PDE11A: variants seen among roughly 807,000 people sequenced by gnomAD.
The protein encoded by PDE11A is dual 3',5'-cyclic-AMP and -GMP phosphodiesterase 11A.
A neutral mutation model predicts 100.5 loss-of-function variants in PDE11A; 100 were observed. The ratio of observed to expected loss-of-function variants is 1.00; its 90% confidence interval spans 0.85 to 1.18. PDE11A has a LOEUF of 1.18. Ranked by LOEUF, PDE11A falls within the 50% of genes most tolerant of loss-of-function variation. The pLI, the probability that PDE11A is intolerant of heterozygous loss-of-function variation, is 0.00. For synonymous variants in PDE11A, 381 were observed against 420.8 expected (o/e 0.91, Z 1.16); for missense variants, 1,141 against 1,152.6 (o/e 0.99, Z 0.15).
In PDE11A at chr2:177,652,380, T is replaced by G. The variant is rs147490021; in HGVS notation, c.2646+11486A>C. Reference sequence around the variant, plus strand: ...TGGGGAGAGGAGGGGAAGGTAGGCCTGCAGACGGCTAGGTGAGCACAGGCA... The same window carrying G: ...TGGGGAGAGGAGGGGAAGGTAGGCCGGCAGACGGCTAGGTGAGCACAGGCA... On this transcript the variant is annotated intron_variant, in intron 19 of 19. Transcript: ENST00000286063. 5.1e-4 allele frequency among the ~76,000 whole-genome samples: 77 copies of G among 152,244 alleles called. No individual in the cohort carries two copies. The East Asian group carries it at 0.012, about 24-fold the overall frequency.
At chr2:177,833,713 T>C (rs1455146079) in intron 6 of PDE11A, among the ~76,000 whole-genome samples, 1 of 152,358 alleles carries the variant, frequency 6.6e-6, no homozygotes, top group Non-Finnish European at 1.5e-5. Context: ...CAGTTTCTGA[T>C]GAATTGGGGT....
intron 2 of PDE11A, among the ~76,000 whole-genome samples, chr2:177,986,641 C>T (rs2085943212): frequency 6.6e-6 from 1 of 151,876 alleles, no homozygotes; most frequent in Admixed American, 6.6e-5. Flanking sequence ...ACCAGCCTGC[C>T]CAACATGCTG....
chr2:177,907,921 CTGTTTTTT>C (rs1250669410), intron 2 of PDE11A, among the ~76,000 whole-genome samples: 3 of 152,182 alleles, frequency 2.0e-5, no homozygotes, highest in Admixed American at 2.0e-4. Context: ...GAGTAATAAA[CTGTTTTTT>C]TGTCACTGAT....
Position 178,102,271 on chromosome 2 carries a change from C to A in PDE11A, c.162+2031G>T, listed in dbSNP as rs541057079. On this transcript the variant is annotated intron_variant, in intron 2 of 20. Transcript: ENST00000358450. ...CCTCCCAAGTAGCTGGGACTGCAAGCGTGCACCACCATGCCTGGCTGATTT... is the reference window on the plus strand; with the variant it reads ...CCTCCCAAGTAGCTGGGACTGCAAGAGTGCACCACCATGCCTGGCTGATTT... Among the ~76,000 whole-genome samples, 3 of 151,888 alleles carry A rather than the reference C, an allele frequency of 2.0e-5. No homozygotes were observed. The East Asian group carries it at 5.8e-4, about 29-fold the overall frequency.
chr2:177,745,562 C>T (rs1389544392), intron 10 of PDE11A, among the ~76,000 whole-genome samples: 3 of 152,148 alleles, frequency 2.0e-5, no homozygotes, highest in Non-Finnish European at 4.4e-5. Context: ...AGGGCTAGTC[C>T]CACTCCACTG....
At chr2:177,821,967 G>C (rs970589443) in intron 6 of PDE11A, among the ~76,000 whole-genome samples, 1 of 144,496 alleles carries the variant, frequency 6.9e-6, no homozygotes, top group Non-Finnish European at 1.5e-5. Context: ...GCTCGTAAAA[G>C]TATCTTCTAT....
At chr2:177,883,967 C>T (rs1483361327) in intron 4 of PDE11A, among the ~76,000 whole-genome samples, 1 of 152,192 alleles carries the variant, frequency 6.6e-6, no homozygotes, top group Non-Finnish European at 1.5e-5. Context: ...TCTTTCACTC[C>T]TCTGGCCCTT....
chr2:177,928,009 C>T (rs1393466967), intron 2 of PDE11A, among the ~76,000 whole-genome samples: 2 of 143,820 alleles, frequency 1.4e-5, no homozygotes, highest in Non-Finnish European at 3.0e-5. Flanking sequence ...GAGGCTGAGG[C>T]AAGAGAATCG....
At chr2:177,908,808 A>G (rs2105740041) in intron 2 of PDE11A, among the ~76,000 whole-genome samples, 1 of 152,324 alleles carries the variant, frequency 6.6e-6, no homozygotes, top group East Asian at 1.9e-4. Context: ...CTGTCAGTCA[A>G]TCACAAATCT....
chr2:178,018,978 G>A (rs1240890696), intron 1 of PDE11A, among the ~76,000 whole-genome samples: 1 of 152,146 alleles, frequency 6.6e-6, no homozygotes, highest in East Asian at 1.9e-4. Flanking sequence ...TTATATATGA[G>A]CTTTTGCATC....
chr2:177,884,926 A>G (rs762214154), intron 4 of PDE11A, among the ~76,000 whole-genome samples: 1 of 152,194 alleles, frequency 6.6e-6, no homozygotes, highest in Non-Finnish European at 1.5e-5. Context: ...ACTACTCTAC[A>G]GTTTTTAGCT....
intron 19 of PDE11A, 71 bp downstream of exon 19, chr2:177,663,795 G>T: frequency 2.3e-6 from 2 of 883,136 alleles, no homozygotes; most frequent in South Asian, 1.3e-5. Flanking sequence ...TCAAATGAGT[G>T]CTTTTGAGAA....
intron 19 of PDE11A, among the ~76,000 whole-genome samples, chr2:177,662,990 A>G (rs1353808035): frequency 6.6e-6 from 1 of 152,178 alleles, no homozygotes; most frequent in Non-Finnish European, 1.5e-5. Flanking sequence ...GGAACTAAAG[A>G]GCTTTTGCTT....
chr2:177,878,399 C>T (rs1215791901), intron 4 of PDE11A, among the ~76,000 whole-genome samples: 3 of 152,090 alleles, frequency 2.0e-5, no homozygotes, highest in African/African-American at 7.2e-5. Context: ...TGCTACATGC[C>T]TTCCAAGGTT....
At chr2:178,012,140 G>C (rs2086280887) in intron 2 of PDE11A, among the ~76,000 whole-genome samples, 1 of 152,150 alleles carries the variant, frequency 6.6e-6, no homozygotes, top group African/African-American at 2.4e-5. Flanking sequence ...GCACTAACTG[G>C]TAGGACTTCT....
chr2:177,874,315 T>C (rs1020527085), intron 5 of PDE11A, among the ~76,000 whole-genome samples: 4 of 152,178 alleles, frequency 2.6e-5, no homozygotes, highest in Admixed American at 6.5e-5. Context: ...TTATAAATCA[T>C]TTAGCATACT....
intron 1 of PDE11A, among the ~76,000 whole-genome samples, chr2:178,055,864 C>A (rs569867328): frequency 1.3e-5 from 2 of 151,960 alleles, no homozygotes; most frequent in African/African-American, 4.8e-5. Flanking sequence ...GAAATGCATT[C>A]GTAATAAATG....
chr2:178,095,580 C>T (rs1038650231), intron 2 of PDE11A, among the ~76,000 whole-genome samples: 8 of 152,170 alleles, frequency 5.3e-5, no homozygotes, highest in Admixed American at 1.3e-4. Context: ...GAATGGTGGC[C>T]CCCTTCTCAT....
chr2:178,058,314 C>CACA (rs1413386570), intron 1 of PDE11A, among the ~76,000 whole-genome samples: 4 of 152,220 alleles, frequency 2.6e-5, no homozygotes, highest in Non-Finnish European at 5.9e-5. Flanking sequence ...TTGTAACTCC[C>CACA]ACAATTCCCA....
Sources: allele counts gnomAD v4.1 joint callset (sites outside exome capture counted in the v4.1 genomes callset), GRCh38; gene constraint gnomAD v4.1.1; transcripts MANE v1.5; gene names NCBI Gene and HGNC (gene_info 2026-07-23, HGNC 2026-07-21).